Variants in ACCSL observed in about 807,000 individuals in gnomAD.
The protein encoded by ACCSL is 1-aminocyclopropane-1-carboxylate synthase homolog (inactive) like.
In ACCSL, 55 loss-of-function variants were observed where a neutral mutation model predicts 61.7. The observed-to-expected ratio is 0.89, with a 90% CI of 0.72 to 1.12. The LOEUF (loss-of-function observed/expected upper bound fraction) is 1.12. Among genes scored for constraint, ACCSL ranks in the 50% most tolerant of loss-of-function variants. The pLI is 0.00. For missense variants in ACCSL, 632 were observed against 698.0 expected (o/e 0.91, Z 1.07); for synonymous variants, 258 against 264.3 (o/e 0.98, Z 0.23).
At position 44,052,726 on chromosome 11, in the gene ACCSL, GGTTGA is replaced by G. The variant is rs1565159036; in HGVS notation, c.843_847del (p.Glu281AspfsTer8). 1 of 1,614,120 alleles carries G rather than the reference GGTTGA, an allele frequency of 6.2e-7. No homozygotes were observed. The highest frequency in any genetic ancestry group is 8.5e-7 in the Non-Finnish European group (1 of 1,180,004). On this transcript the variant is annotated frameshift_variant, in exon 6 of 14. Coordinates refer to ENST00000378832, the MANE Select transcript of ACCSL (RefSeq NM_001031854.2). LOFTEE classifies it high-confidence loss of function. ...CCTTTAGCTCCCGCCTGTATGCAAAGGTTGAGTTGATTCCTGTCCACCTGGAGAGT... is the reference window on the plus strand; with the variant it reads ...CCTTTAGCTCCCGCCTGTATGCAAAGGTTGATTCCTGTCCACCTGGAGAGT...
chr11:44,023,458 G>A, the ACCSL span, among the ~76,000 whole-genome samples: 2 of 152,038 alleles, frequency 1.3e-5, no homozygotes, highest in South Asian at 2.1e-4. Context: ...TCTGGTATTC[G>A]CTTATGATCC....
At position 44,058,563 on chromosome 11, in the gene ACCSL, A is replaced by C; in HGVS notation, c.1488A>C (p.Thr496=). The C allele has an allele frequency of 6.2e-7, 1 of 1,614,120 alleles. No individual in the cohort carries two copies. Among genetic ancestry groups the C allele is most frequent in the Non-Finnish European group, 8.5e-7 (1 of 1,180,016 alleles). Residue 496 remains threonine, a synonymous_variant, in exon 13 of 14, where the codon ACA becomes ACC. Transcript: ENST00000378832. ...INLKKYLDPC[T]FEEERLLYCR... The stretch of plus-strand genomic sequence containing the variant: ...CTCCCTAGTACCTGGATCCCTGTAC[A>C]TTTGAAGAAGAACGGCTCCTCTATT...
chr11:44,045,635 C>T (rs1395723630), upstream of ACCSL, among the ~76,000 whole-genome samples: 1 of 152,198 alleles, frequency 6.6e-6, no homozygotes, highest in Non-Finnish European at 1.5e-5. Flanking sequence ...CCTGCCGCAT[C>T]CTGGTCCCTA....
At chr11:44,002,180 G>T in the ACCSL span, among the ~76,000 whole-genome samples, 1 of 151,966 alleles carries the variant, frequency 6.6e-6, no homozygotes, top group Non-Finnish European at 1.5e-5. Context: ...TGTGTTACGT[G>T]GCCCCAGACC....
At chr11:43,965,091 G>A in the ACCSL span, among the ~76,000 whole-genome samples, 5 of 152,228 alleles carry the variant, frequency 3.3e-5, no homozygotes, top group South Asian at 1.0e-3. Flanking sequence ...TCTAGCCAGA[G>A]CAATTAGGCA....
At chr11:44,009,576 G>A in the ACCSL span, among the ~76,000 whole-genome samples, 3 of 151,938 alleles carry the variant, frequency 2.0e-5, no homozygotes, top group Non-Finnish European at 4.4e-5. Flanking sequence ...GACCAGCCTC[G>A]GCGACATAGT....
chr11:44,038,134 G>GA, the ACCSL span, among the ~76,000 whole-genome samples: 1 of 152,172 alleles, frequency 6.6e-6, no homozygotes, highest in Non-Finnish European at 1.5e-5. Context: ...TGAAAGGTGG[G>GA]ATGGAGGAGG....
the ACCSL span, chr11:43,942,481 C>G: frequency 1.9e-5 from 4 of 211,644 alleles, no homozygotes; most frequent in Non-Finnish European, 3.0e-5. Flanking sequence ...CGGGCGGCGC[C>G]GGGGAAGGGG....
At chr11:43,941,033 G>T in the ACCSL span, among the ~76,000 whole-genome samples, 1 of 152,158 alleles carries the variant, frequency 6.6e-6, no homozygotes, top group African/African-American at 2.4e-5. Context: ...GAAATGTATG[G>T]TATTTGTTAC....
the ACCSL span, among the ~76,000 whole-genome samples, chr11:44,027,900 C>T: frequency 6.6e-6 from 1 of 152,184 alleles, no homozygotes; most frequent in Non-Finnish European, 1.5e-5. Flanking sequence ...TGTGGCGGCT[C>T]ATGCCTGTAA....
At chr11:43,928,341 C>A in the ACCSL span, among the ~76,000 whole-genome samples, 4 of 152,220 alleles carry the variant, frequency 2.6e-5, no homozygotes, top group East Asian at 5.8e-4. Flanking sequence ...CTGGTAACAC[C>A]CCTTCTTCCC....
At chr11:44,016,459 T>TTA in the ACCSL span, among the ~76,000 whole-genome samples, 1 of 152,130 alleles carries the variant, frequency 6.6e-6, no homozygotes, top group Non-Finnish European at 1.5e-5. Flanking sequence ...ACAACAGGAT[T>TTA]GGAAAGGGTC....
the ACCSL span, among the ~76,000 whole-genome samples, chr11:44,007,906 C>T: frequency 6.6e-6 from 1 of 152,010 alleles, no homozygotes; most frequent in Non-Finnish European, 1.5e-5. Context: ...CAGTGAGACC[C>T]GTCTCGACTC....
the ACCSL span, among the ~76,000 whole-genome samples, chr11:44,003,433 G>A: frequency 6.6e-6 from 1 of 152,070 alleles, no homozygotes; most frequent in Non-Finnish European, 1.5e-5. Context: ...TGGGTGGGTC[G>A]CTTGAGGCCA....
chr11:43,960,630 T>C, the ACCSL span, among the ~76,000 whole-genome samples: 3 of 152,032 alleles, frequency 2.0e-5, no homozygotes, highest in Middle Eastern at 3.2e-3. Context: ...AGTGATCTGC[T>C]CACCTCGGCC....
the ACCSL span, among the ~76,000 whole-genome samples, chr11:43,931,749 G>A: frequency 4.6e-5 from 7 of 152,186 alleles, no homozygotes; most frequent in African/African-American, 7.2e-5. Context: ...TTTAAATCTC[G>A]TCCCCTGCGC....
At chr11:43,990,869 A>C in the ACCSL span, among the ~76,000 whole-genome samples, 2 of 152,136 alleles carry the variant, frequency 1.3e-5, no homozygotes, top group Non-Finnish European at 2.9e-5. Context: ...TCAAGAGTTC[A>C]AGACCAGCCT....
At chr11:44,059,223 C>T (rs552710527) in intron 13 of ACCSL, among the ~76,000 whole-genome samples, 16 of 152,256 alleles carry the variant, frequency 1.1e-4, no homozygotes, top group African/African-American at 3.9e-4. Context: ...GCCTGGGCGA[C>T]AGAGTGAGAC....
the ACCSL span, among the ~76,000 whole-genome samples, chr11:43,974,231 C>T: frequency 6.6e-6 from 1 of 152,334 alleles, no homozygotes; most frequent in Admixed American, 6.5e-5. Flanking sequence ...ACTATGACTG[C>T]TGTAATTCAC....
Sources: gnomAD v4.1 joint callset for allele counts (sites outside exome capture counted in the v4.1 genomes callset) on GRCh38, gnomAD v4.1.1 for gene constraint, MANE v1.5 for transcripts, NCBI Gene and HGNC (gene_info 2026-07-23, HGNC 2026-07-21) for gene names.